The following AGBL4 variants were observed in gnomAD, a reference collection of about 807,000 sequenced individuals.
AGBL4 encodes the protein AGBL carboxypeptidase 4.
Under a neutral mutation model 66.4 loss-of-function variants are expected in AGBL4, and 58 were observed. The ratio of observed to expected loss-of-function variants is 0.87; its 90% CI spans 0.71 to 1.09. The LOEUF is 1.09. Among genes scored for constraint, AGBL4 ranks in the 50% least tolerant of loss-of-function variants. The pLI is 0.00. For missense variants in AGBL4, 579 were observed against 631.0 expected (o/e 0.92, Z 0.88); for synonymous variants, 234 against 222.9 (o/e 1.05, Z -0.44).
rs377446987 is a variant in AGBL4 at position 49,437,203 on chromosome 1, A to G, written c.283-191339T>C. Among the ~76,000 whole-genome samples the G allele has an allele frequency of 3.2e-4, 48 of 152,322 alleles. 1 individual carries two copies. In the East Asian group the frequency reaches 8.1e-3, roughly 26 times the overall value. ...TTATCTTGATCCACTAGAAGAAGCT[A>G]TCAACCTTATTACTTTGGAATAAAG... On this transcript the variant is annotated intron_variant, in intron 3 of 13. Transcript: ENST00000371839.
At chr1:49,956,740 A>G (rs946261339) in intron 1 of AGBL4, among the ~76,000 whole-genome samples, 1 of 151,966 alleles carries the variant, frequency 6.6e-6, no homozygotes, top group Admixed American at 6.6e-5. Flanking sequence ...TTGGAATCCC[A>G]TGAGGTGCCT....
chr1:49,011,565 T>C (rs1662413688), intron 5 of AGBL4, among the ~76,000 whole-genome samples: 2 of 152,166 alleles, frequency 1.3e-5, no homozygotes, highest in Non-Finnish European at 2.9e-5. Flanking sequence ...CATGCTGCTA[T>C]AAAGACACAT....
intron 3 of AGBL4, among the ~76,000 whole-genome samples, chr1:49,514,650 C>T (rs913272055): frequency 1.3e-5 from 2 of 152,046 alleles, no homozygotes; most frequent in African/African-American, 2.4e-5. Context: ...TACAAGGCTA[C>T]GGTAACCAAA....
At chr1:48,596,319 G>T (rs1263278836) in intron 9 of AGBL4, among the ~76,000 whole-genome samples, 1 of 152,160 alleles carries the variant, frequency 6.6e-6, no homozygotes, top group East Asian at 1.9e-4. Context: ...AGGTATGTGT[G>T]TGGGAGGAGC....
At chr1:49,976,701 C>G (rs1013240456) in intron 1 of AGBL4, among the ~76,000 whole-genome samples, 1 of 152,200 alleles carries the variant, frequency 6.6e-6, no homozygotes, top group African/African-American at 2.4e-5. Context: ...TGATGTCAAA[C>G]AATCCTTTAA....
At chr1:48,720,021 T>C (rs1282169402) in intron 6 of AGBL4, among the ~76,000 whole-genome samples, 1 of 152,196 alleles carries the variant, frequency 6.6e-6, no homozygotes, top group African/African-American at 2.4e-5. Context: ...GCTCCCTTGA[T>C]CCCTCAAGGC....
At chr1:49,474,722 TA>T (rs1374864382) in intron 3 of AGBL4, among the ~76,000 whole-genome samples, 1 of 152,006 alleles carries the variant, frequency 6.6e-6, no homozygotes, top group East Asian at 1.9e-4. Context: ...TTTATAGGTA[TA>T]AAAAAGGTAT....
At chr1:49,639,477 C>T (rs560878169) in intron 3 of AGBL4, among the ~76,000 whole-genome samples, 1 of 152,256 alleles carries the variant, frequency 6.6e-6, no homozygotes, top group South Asian at 2.1e-4. Flanking sequence ...TCTTCTTATC[C>T]TATTTACAAA....
intron 3 of AGBL4, among the ~76,000 whole-genome samples, chr1:49,506,594 C>T (rs1353418881): frequency 1.3e-5 from 2 of 152,058 alleles, no homozygotes; most frequent in African/African-American, 2.4e-5. Context: ...CCTTTGCCTT[C>T]TGCCATGATT....
chr1:48,928,977 C>A (rs577025215), intron 5 of AGBL4, among the ~76,000 whole-genome samples: 2 of 152,232 alleles, frequency 1.3e-5, no homozygotes, highest in South Asian at 4.1e-4. Flanking sequence ...ATTACAAGAG[C>A]CCCATTCTGA....
intron 4 of AGBL4, among the ~76,000 whole-genome samples, chr1:49,107,467 T>C (rs1645314157): frequency 6.6e-6 from 1 of 152,252 alleles, no homozygotes; most frequent in East Asian, 1.9e-4. Flanking sequence ...ATGGAGAAGA[T>C]GAAGCCCAAA....
chr1:49,356,552 C>T (rs553790566), intron 3 of AGBL4, among the ~76,000 whole-genome samples: 64 of 152,306 alleles, frequency 4.2e-4, no homozygotes, highest in African/African-American at 1.5e-3. Context: ...AAATAAGACA[C>T]TATCAGCACA....
intron 2 of AGBL4, among the ~76,000 whole-genome samples, chr1:49,788,892 G>A (rs1273506264): frequency 6.6e-6 from 1 of 152,202 alleles, no homozygotes; most frequent in African/African-American, 2.4e-5. Context: ...AATAAGAGTG[G>A]TGAGAGAGGG....
At chr1:49,286,012 C>A (rs1557805149) in intron 3 of AGBL4, among the ~76,000 whole-genome samples, 1 of 152,158 alleles carries the variant, frequency 6.6e-6, no homozygotes, top group African/African-American at 2.4e-5. Flanking sequence ...AGCTTATCCA[C>A]CATGATCAAG....
intron 5 of AGBL4, among the ~76,000 whole-genome samples, chr1:48,914,719 G>C (rs1653440922): frequency 6.6e-6 from 1 of 152,172 alleles, no homozygotes; most frequent in Admixed American, 6.5e-5. Context: ...TTGTTAAATA[G>C]ATGAGGAAAG....
At chr1:48,526,698 T>C in the AGBL4 span, among the ~76,000 whole-genome samples, 1 of 152,114 alleles carries the variant, frequency 6.6e-6, no homozygotes, top group African/African-American at 2.4e-5. Flanking sequence ...AGATTAGTAA[T>C]AGAAGCAGCA....
chr1:48,548,361 C>T (rs1469056339), intron 11 of AGBL4, among the ~76,000 whole-genome samples: 1 of 152,136 alleles, frequency 6.6e-6, no homozygotes, highest in Admixed American at 6.5e-5. Context: ...TCCTCCTCAT[C>T]TGAAACACAG....
intron 6 of AGBL4, among the ~76,000 whole-genome samples, chr1:48,774,244 A>G (rs781131204): frequency 6.6e-6 from 1 of 152,236 alleles, no homozygotes; most frequent in Non-Finnish European, 1.5e-5. Context: ...GCCATAGCAC[A>G]GTGGTATTTA....
At position 49,659,015 on chromosome 1, in the gene AGBL4, AT is replaced by A. The variant is rs530188763; in HGVS notation, c.282+38297del. The stretch of plus-strand genomic sequence containing the variant: ...CTAGAACTTAAAGTATAATAAAAAA[AT>A]AAAAAGAAAAAAAATTTTCAACCTA... On this transcript the variant is annotated intron_variant, in intron 3 of 13. Transcript: ENST00000371839. Among the ~76,000 whole-genome samples, 8 of 152,276 alleles carry A rather than the reference AT, an allele frequency of 5.3e-5. No homozygotes were observed. The South Asian group carries it at 6.2e-4, about 12-fold the overall frequency.
Sources: gnomAD v4.1 joint callset for allele counts (sites outside exome capture counted in the v4.1 genomes callset) on GRCh38, gnomAD v4.1.1 for gene constraint, MANE v1.5 for transcripts, NCBI Gene and HGNC (gene_info 2026-07-23, HGNC 2026-07-21) for gene names.